The following NXPH2 variants were observed in gnomAD, a reference collection of about 807,000 sequenced individuals.
NXPH2 encodes the protein neurexophilin 2.
NXPH2 carries 5 observed loss-of-function variants against 19.8 expected under a neutral mutation model. That is an observed-to-expected ratio of 0.25 (90% confidence interval 0.13 to 0.53). NXPH2 has a LOEUF of 0.53. NXPH2 is among the 20% of genes least tolerant of loss of function. NXPH2 has a pLI of 0.96. For missense variants in NXPH2, 289 were observed against 322.8 expected, an observed-to-expected ratio of 0.90 and a Z score of 0.80; for synonymous variants, 154 against 127.4, an observed-to-expected ratio of 1.21 and a Z score of -1.41.
At chr2:138,752,167 C>T (rs1215935630) in intron 1 of NXPH2, among the ~76,000 whole-genome samples, 1 of 152,126 alleles carries the variant, frequency 6.6e-6, no homozygotes, top group Non-Finnish European at 1.5e-5. Context: ...CTTTTACACT[C>T]AAATCTTATT....
rs748434057 is a variant in NXPH2 at position 138,752,528 on chromosome 2, A to G, written c.51+27663T>C. On this transcript the variant is annotated intron_variant, in intron 1 of 1. Coordinates refer to ENST00000272641, the MANE Select transcript of NXPH2 (RefSeq NM_007226.3). ...AAATTGTCAAGAAAGCAGAGTTCCC[A>G]TATACATCACACCTAATTTCCCTAG... Among the ~76,000 whole-genome samples, 7 of 152,294 alleles carry G rather than the reference A, an allele frequency of 4.6e-5. No homozygotes were observed. The South Asian group carries it at 6.2e-4, about 14-fold the overall frequency.
At chr2:138,743,552 A>G (rs1438138843) in intron 1 of NXPH2, among the ~76,000 whole-genome samples, 1 of 152,196 alleles carries the variant, frequency 6.6e-6, no homozygotes, top group East Asian at 1.9e-4. Flanking sequence ...GTGACTGCTA[A>G]TGGGTATGGG....
At chr2:138,680,609 A>C (rs68138418) in intron 1 of NXPH2, among the ~76,000 whole-genome samples, 7,374 of 152,000 alleles carry the variant, frequency 0.049, 204 homozygotes, top group African/African-American at 0.064. Flanking sequence ...CTCTCTCTCT[A>C]TATATATATA....
intron 1 of NXPH2, among the ~76,000 whole-genome samples, chr2:138,742,476 T>TATCAGAAA (rs1271935065): frequency 6.6e-6 from 1 of 152,222 alleles, no homozygotes; most frequent in Admixed American, 6.5e-5. Flanking sequence ...TATCAGAATG[T>TATCAGAAA]ATTTCTGACA....
At chr2:138,713,956 A>G (rs996494046) in intron 1 of NXPH2, among the ~76,000 whole-genome samples, 1 of 147,394 alleles carries the variant, frequency 6.8e-6, no homozygotes, top group African/African-American at 2.5e-5. Flanking sequence ...ATGTAAACAA[A>G]GAAACAAACA....
chr2:138,714,404 TTCA>T (rs1376804675), intron 1 of NXPH2, among the ~76,000 whole-genome samples: 1 of 152,210 alleles, frequency 6.6e-6, no homozygotes, highest in African/African-American at 2.4e-5. Context: ...TAAGCTAAAT[TTCA>T]TATCCTGAAT....
intron 1 of NXPH2, among the ~76,000 whole-genome samples, chr2:138,761,567 C>T (rs1682018845): frequency 6.6e-6 from 1 of 152,130 alleles, no homozygotes; most frequent in Non-Finnish European, 1.5e-5. Context: ...AAGTGCTATT[C>T]TGAGAGATGA....
chr2:138,678,541 A>G (rs1249114759), intron 1 of NXPH2, among the ~76,000 whole-genome samples: 1 of 152,090 alleles, frequency 6.6e-6, no homozygotes, highest in Non-Finnish European at 1.5e-5. Flanking sequence ...TCTTTACAGT[A>G]TCACTGAATT....
At chr2:138,759,498 T>TGG (rs1681967721) in intron 1 of NXPH2, among the ~76,000 whole-genome samples, 1 of 151,982 alleles carries the variant, frequency 6.6e-6, no homozygotes, top group South Asian at 2.1e-4. Flanking sequence ...ACATTCCAGG[T>TGG]GGGAAGGTGG....
chr2:138,757,342 T>C (rs1681927478), intron 1 of NXPH2, among the ~76,000 whole-genome samples: 1 of 152,164 alleles, frequency 6.6e-6, no homozygotes, highest in Non-Finnish European at 1.5e-5. Flanking sequence ...CATGTGCTGC[T>C]GCCGATCTGC....
intron 1 of NXPH2, among the ~76,000 whole-genome samples, chr2:138,712,877 C>G (rs1681125222): frequency 6.6e-6 from 1 of 152,056 alleles, no homozygotes; most frequent in Admixed American, 6.5e-5. Flanking sequence ...GGTGTTCAGC[C>G]AATATTATTG....
intron 1 of NXPH2, among the ~76,000 whole-genome samples, chr2:138,727,167 T>G (rs1681372542): frequency 6.6e-6 from 1 of 152,230 alleles, no homozygotes; most frequent in Non-Finnish European, 1.5e-5. Flanking sequence ...CCACAGTTTA[T>G]TTATCCACTC....
chr2:138,759,589 T>C (rs981442228), intron 1 of NXPH2, among the ~76,000 whole-genome samples: 1 of 151,772 alleles, frequency 6.6e-6, no homozygotes, highest in African/African-American at 2.4e-5. Context: ...AAAGAGGATT[T>C]CCCAGAAATA....
chr2:138,775,778 T>C (rs1368241654), intron 1 of NXPH2, among the ~76,000 whole-genome samples: 4 of 152,080 alleles, frequency 2.6e-5, no homozygotes, highest in Non-Finnish European at 5.9e-5. Flanking sequence ...TAACCTCATA[T>C]GGGGAGCACT....
intron 1 of NXPH2, among the ~76,000 whole-genome samples, chr2:138,760,940 G>A (rs534870193): frequency 2.0e-4 from 30 of 152,200 alleles, no homozygotes; most frequent in Middle Eastern, 3.4e-3. Context: ...CAGAGGAAAG[G>A]CTTGAGCTCC....
chr2:138,752,115 T>A lies in NXPH2; in HGVS notation c.51+28076A>T, dbSNP rs190854487. On this transcript the variant is annotated intron_variant, in intron 1 of 1. Transcript: ENST00000272641. The stretch of plus-strand genomic sequence containing the variant: ...ATTAAAGGCCTCCTGTATCTAACAA[T>A]GCGATAAGGCAATGTAAAGAGAGAA... Among the ~76,000 whole-genome samples the A allele has an allele frequency of 2.0e-5, 3 of 152,328 alleles. No individual in the cohort carries two copies. The East Asian group carries it at 5.8e-4, about 29-fold the overall frequency.
chr2:138,728,793 T>C (rs1558923655), intron 1 of NXPH2, among the ~76,000 whole-genome samples: 1 of 152,168 alleles, frequency 6.6e-6, no homozygotes, highest in African/African-American at 2.4e-5. Flanking sequence ...TAGAGTAAAA[T>C]GGCACACATC....
intron 1 of NXPH2, among the ~76,000 whole-genome samples, chr2:138,741,918 AT>A (rs751773200): frequency 6.6e-6 from 1 of 152,230 alleles, no homozygotes; most frequent in Non-Finnish European, 1.5e-5. Context: ...TATTAATAGC[AT>A]GGCAAAATGC....
At chr2:138,770,171 C>A (rs147425248) in intron 1 of NXPH2, among the ~76,000 whole-genome samples, 1 of 151,956 alleles carries the variant, frequency 6.6e-6, no homozygotes, top group Admixed American at 6.6e-5. Flanking sequence ...CAACAAACTG[C>A]CAAAGAAAAA....
Sources: gnomAD v4.1 joint callset for allele counts (sites outside exome capture counted in the v4.1 genomes callset) on GRCh38, gnomAD v4.1.1 for gene constraint, MANE v1.5 for transcripts, NCBI Gene and HGNC (gene_info 2026-07-23, HGNC 2026-07-21) for gene names.